Variants in DGKB observed in about 807,000 individuals in gnomAD.
DGKB encodes diacylglycerol kinase beta.
DGKB carries 67 observed loss-of-function variants against 114.3 expected under a neutral mutation model. The ratio of observed to expected loss-of-function variants is 0.59; its 90% CI spans 0.48 to 0.72. DGKB has a LOEUF of 0.72. DGKB is among the 30% of genes least tolerant of loss of function. The pLI, the probability that DGKB is intolerant of heterozygous loss-of-function variation, is 0.00. For synonymous variants in DGKB, 398 were observed against 323.1 expected (o/e 1.23, Z -2.49); for missense variants, 907 against 975.2 (o/e 0.93, Z 0.93).
rs114387201 is a variant in DGKB at position 14,786,558 on chromosome 7, G to A, written c.71-28827C>T. Among the ~76,000 whole-genome samples, 423 of 152,330 alleles carry A rather than the reference G, an allele frequency of 2.8e-3. 13 individuals carry two copies. The South Asian group carries it at 0.042, about 15-fold the overall frequency. On this transcript the variant is annotated intron_variant, in intron 2 of 25. Transcript: ENST00000402815. ...AGGCGGAAGGCCTGTCCCCTTAAGA[G>A]TTGGTGGGCCAGGAGCCCTGCACTC... is the stretch of plus-strand genomic sequence containing the variant.
At chr7:14,805,521 T>C (rs1479178278) in intron 2 of DGKB, among the ~76,000 whole-genome samples, 2 of 152,208 alleles carry the variant, frequency 1.3e-5, no homozygotes, top group East Asian at 3.9e-4. Flanking sequence ...TTTTTTCAGT[T>C]GCCATGGATT....
intron 20 of DGKB, among the ~76,000 whole-genome samples, chr7:14,554,124 G>A (rs1052824310): frequency 1.3e-5 from 2 of 151,792 alleles, no homozygotes; most frequent in East Asian, 3.9e-4. Context: ...TGCCCACCTC[G>A]GCCTCCCAAA....
intron 1 of DGKB, among the ~76,000 whole-genome samples, chr7:14,915,951 CTTAA>C (rs1225454725): frequency 6.6e-6 from 1 of 151,652 alleles, no homozygotes; most frequent in Non-Finnish European, 1.5e-5. Context: ...TTTTCTTATT[CTTAA>C]TTAATCTAAT....
intron 20 of DGKB, among the ~76,000 whole-genome samples, chr7:14,509,837 G>T (rs9639203): frequency 6.6e-6 from 1 of 151,942 alleles, no homozygotes; most frequent in Admixed American, 6.5e-5. Context: ...AAATCCAGTA[G>T]GAAAGTGAGT....
chr7:14,717,724 T>C (rs996652760), intron 6 of DGKB, among the ~76,000 whole-genome samples: 1 of 152,138 alleles, frequency 6.6e-6, no homozygotes, highest in African/African-American at 2.4e-5. Context: ...ATCATTCTAG[T>C]AGCAAGCATT....
intron 23 of DGKB, among the ~76,000 whole-genome samples, chr7:14,288,743 G>C (rs1403832394): frequency 6.6e-6 from 1 of 152,060 alleles, no homozygotes; most frequent in Admixed American, 6.6e-5. Context: ...TGTTTTCATT[G>C]TTTACATGAA....
intron 20 of DGKB, among the ~76,000 whole-genome samples, chr7:14,504,679 CA>C (rs1038484020): frequency 1.3e-5 from 2 of 151,876 alleles, no homozygotes; most frequent in African/African-American, 4.8e-5. Context: ...TATGAAAACA[CA>C]AAGAACAATC....
At chr7:14,276,690 T>C (rs1307462833) in intron 23 of DGKB, among the ~76,000 whole-genome samples, 2 of 152,020 alleles carry the variant, frequency 1.3e-5, no homozygotes, top group Non-Finnish European at 2.9e-5. Context: ...ATAGTAGTTA[T>C]TGATATTTAG....
chr7:14,315,511 C>T (rs997394412), intron 23 of DGKB, among the ~76,000 whole-genome samples: 5 of 151,590 alleles, frequency 3.3e-5, no homozygotes, highest in Admixed American at 2.0e-4. Context: ...GACTTGAAAC[C>T]AACAAAGATC....
chr7:14,354,345 G>A (rs913510825), intron 21 of DGKB, among the ~76,000 whole-genome samples: 17 of 151,886 alleles, frequency 1.1e-4, no homozygotes, highest in Admixed American at 1.0e-3. Context: ...AAAATAAGAG[G>A]GCACTACAAA....
At chr7:14,226,306 C>A (rs1296713500) in intron 23 of DGKB, among the ~76,000 whole-genome samples, 1 of 151,832 alleles carries the variant, frequency 6.6e-6, no homozygotes, top group Non-Finnish European at 1.5e-5. Flanking sequence ...TTCATTATTT[C>A]TGACCTGATA....
At chr7:14,628,997 A>C (rs953543635) in intron 14 of DGKB, among the ~76,000 whole-genome samples, 2 of 152,138 alleles carry the variant, frequency 1.3e-5, no homozygotes, top group South Asian at 2.1e-4. Context: ...TATATGACAC[A>C]AATTATATAA....
chr7:14,310,602 ACT>A (rs1397956950), intron 23 of DGKB, among the ~76,000 whole-genome samples: 2 of 152,008 alleles, frequency 1.3e-5, no homozygotes, highest in African/African-American at 4.8e-5. Context: ...TTCCTCCACA[ACT>A]CTCTATCTTT....
chr7:14,178,522 C>G (rs771752170), intron 23 of DGKB, among the ~76,000 whole-genome samples: 6 of 151,408 alleles, frequency 4.0e-5, no homozygotes, highest in Non-Finnish European at 8.8e-5. Context: ...GCAGCAAATA[C>G]ACATTTCAAC....
At chr7:14,670,078 G>A (rs116055129) in intron 13 of DGKB, among the ~76,000 whole-genome samples, 4 of 151,808 alleles carry the variant, frequency 2.6e-5, no homozygotes, top group Non-Finnish European at 5.9e-5. Context: ...CATGAATAAA[G>A]GCCTATTTGA....
At chr7:14,820,570 T>A (rs1844786756) in intron 2 of DGKB, among the ~76,000 whole-genome samples, 1 of 152,202 alleles carries the variant, frequency 6.6e-6, no homozygotes, top group Non-Finnish European at 1.5e-5. Flanking sequence ...TAATTAAAGT[T>A]TTACATTAGC....
chr7:14,176,790 G>A (rs765801982), intron 25 of DGKB, 49 bp downstream of exon 25: 2 of 1,577,832 alleles, frequency 1.3e-6, no homozygotes, highest in South Asian at 1.2e-5. Flanking sequence ...TAGTCAAAGA[G>A]GAAAGCAAAA....
intron 25 of DGKB, among the ~76,000 whole-genome samples, chr7:14,164,468 T>G (rs576976995): frequency 6.6e-6 from 1 of 152,220 alleles, no homozygotes; most frequent in African/African-American, 2.4e-5. Flanking sequence ...AATGCAACGG[T>G]CTTGGGAGAT....
chr7:14,314,222 C>T (rs1239650916), intron 23 of DGKB, among the ~76,000 whole-genome samples: 15 of 152,116 alleles, frequency 9.9e-5, no homozygotes, highest in African/African-American at 2.9e-4. Context: ...AAAATCAGAG[C>T]GCCTCTCCTC....
Sources: allele counts gnomAD v4.1 joint callset (sites outside exome capture counted in the v4.1 genomes callset), GRCh38; gene constraint gnomAD v4.1.1; transcripts MANE v1.5; gene names NCBI Gene and HGNC (gene_info 2026-07-23, HGNC 2026-07-21).